Variants in ELOVL6 observed in about 807,000 individuals in gnomAD.
ELOVL6 encodes the protein very long chain fatty acid elongase 6.
ELOVL6 carries 8 observed loss-of-function variants against 31.7 expected under a neutral mutation model. That is an observed-to-expected ratio of 0.25 (90% confidence interval 0.15 to 0.45). The LOEUF (loss-of-function observed/expected upper bound fraction) is 0.45. ELOVL6 is among the 20% of genes least tolerant of loss of function. The probability of loss-of-function intolerance (pLI) is 1.00; values close to 1 mark genes in which losing one functional copy is unlikely to be tolerated. For missense variants in ELOVL6, 126 were observed against 326.4 expected (o/e 0.39, Z 4.73); for synonymous variants, 101 against 117.7 (o/e 0.86, Z 0.92).
At chr4:110,140,158 AACTTG>A (rs1757914585) in intron 1 of ELOVL6, among the ~76,000 whole-genome samples, 1 of 152,124 alleles carries the variant, frequency 6.6e-6, no homozygotes, top group East Asian at 1.9e-4. Flanking sequence ...TAAGCCCCCA[AACTTG>A]ACTTTGTGTT....
chr4:110,189,753 G>C (rs1373729675), intron 1 of ELOVL6, among the ~76,000 whole-genome samples: 1 of 151,904 alleles, frequency 6.6e-6, no homozygotes, highest in Non-Finnish European at 1.5e-5. Flanking sequence ...CAGATCACAA[G>C]GTCAGGAGAT....
At chr4:110,127,423 A>AAAAG (rs1757538835) in intron 1 of ELOVL6, among the ~76,000 whole-genome samples, 1 of 150,564 alleles carries the variant, frequency 6.6e-6, no homozygotes, top group Non-Finnish European at 1.5e-5. Flanking sequence ...AAAAAAAAAA[A>AAAAG]AAGAAAAGAA....
chr4:110,120,793 CTTTTCTTTTTTT>C (rs1211582716), intron 1 of ELOVL6, among the ~76,000 whole-genome samples: 1 of 128,954 alleles, frequency 7.8e-6, no homozygotes, highest in Non-Finnish European at 1.7e-5. Flanking sequence ...TCTTTTTTTT[CTTTTCTTTTTTT>C]TTTTTTTTTT....
chr4:110,166,352 C>T (rs754953924), intron 1 of ELOVL6, among the ~76,000 whole-genome samples: 1 of 152,128 alleles, frequency 6.6e-6, no homozygotes, highest in African/African-American at 2.4e-5. Context: ...GTGGCTCACG[C>T]CTGTAATCCC....
At chr4:110,088,615 A>G (rs895175771) in intron 2 of ELOVL6, among the ~76,000 whole-genome samples, 5 of 152,136 alleles carry the variant, frequency 3.3e-5, no homozygotes, top group African/African-American at 9.7e-5. Flanking sequence ...CTAAGTTGAA[A>G]CCTTTCACCT....
rs571569207 is a variant in ELOVL6, at chr4:110,141,011, G to A, written c.90-35383C>T. ...ATTGTTGAGAAATGACACTTCTCAA[G>A]CTGGGGCTAAACTATCTCTGTGGTA... On this transcript the variant is annotated intron_variant, in intron 1 of 3. Coordinates refer to ENST00000302274, the MANE Select transcript of ELOVL6 (RefSeq NM_024090.3). 4.5e-4 allele frequency among the ~76,000 whole-genome samples: 69 copies of A among 152,180 alleles called. 1 individual carries two copies. The highest frequency in any genetic ancestry group is 1.5e-3 in the African/African-American group (64 of 41,538).
intron 1 of ELOVL6, among the ~76,000 whole-genome samples, chr4:110,133,336 C>T (rs750582794): frequency 2.6e-5 from 4 of 152,182 alleles, no homozygotes; most frequent in Admixed American, 2.6e-4. Flanking sequence ...GAAGTTCCTG[C>T]ATGCCAGGTG....
chr4:110,193,208 C>CACAGG (rs1759673335), intron 1 of ELOVL6, among the ~76,000 whole-genome samples: 1 of 152,186 alleles, frequency 6.6e-6, no homozygotes, highest in South Asian at 2.1e-4. Flanking sequence ...TAAATGCTAA[C>CACAGG]ACAGGTTTTT....
chr4:110,105,295 C>T (rs1012928428), intron 2 of ELOVL6, among the ~76,000 whole-genome samples: 14 of 152,162 alleles, frequency 9.2e-5, no homozygotes, highest in Non-Finnish European at 1.9e-4. Context: ...GATGGCCTGA[C>T]ACCTCTCAAA....
At chr4:110,197,963 G>A in intron 1 of ELOVL6, 3 of 473,422 alleles carry the variant, frequency 6.3e-6, no homozygotes, top group Non-Finnish European at 7.6e-6. Flanking sequence ...TCCCTGTCGC[G>A]CAGACATCAC....
chr4:110,103,221 C>T (rs1010416614), intron 2 of ELOVL6, among the ~76,000 whole-genome samples: 1 of 152,062 alleles, frequency 6.6e-6, no homozygotes, highest in Non-Finnish European at 1.5e-5. Context: ...CGAACTAATA[C>T]AGGCTCTTTG....
intron 1 of ELOVL6, among the ~76,000 whole-genome samples, chr4:110,144,570 T>G (rs1425430229): frequency 2.0e-5 from 3 of 152,190 alleles, no homozygotes. Context: ...CCTGAGGTCC[T>G]ACCTCAGTTG....
intron 2 of ELOVL6, among the ~76,000 whole-genome samples, chr4:110,069,085 G>C: frequency 6.6e-6 from 1 of 150,950 alleles, no homozygotes; most frequent in Non-Finnish European, 1.5e-5. Context: ...AGCCAAGATT[G>C]CGCCACTGCA....
At chr4:110,157,102 C>A (rs1341285910) in intron 1 of ELOVL6, among the ~76,000 whole-genome samples, 1 of 152,070 alleles carries the variant, frequency 6.6e-6, no homozygotes, top group Non-Finnish European at 1.5e-5. Context: ...GGTCACTGCC[C>A]ATTTGGGGTT....
Position 110,084,252 on chromosome 4 carries a change from A to C in ELOVL6, c.221+21245T>G, listed in dbSNP as rs1405058977. Among the ~76,000 whole-genome samples the C allele has an allele frequency of 9.7e-4, 115 of 118,692 alleles. 11 individuals are homozygous for C. Among genetic ancestry groups the C allele is most frequent in the African/African-American group, 2.8e-3 (82 of 29,346 alleles). 77.9% of individuals were successfully genotyped at this position (118,692 alleles called of 152,430 possible). ...TATATATAACATATATGATATATAT[A>C]ACATATAGCTTATATGTGATATATA... is the stretch of plus-strand genomic sequence containing the variant. On this transcript the variant is annotated intron_variant, in intron 2 of 3. Coordinates refer to ENST00000302274, the MANE Select transcript of ELOVL6 (RefSeq NM_024090.3).
intron 3 of ELOVL6, among the ~76,000 whole-genome samples, chr4:110,058,234 A>G (rs984556685): frequency 5.9e-5 from 9 of 152,212 alleles, no homozygotes; most frequent in Admixed American, 4.6e-4. Context: ...AATGCATTTT[A>G]CCCTGAGACC....
At chr4:110,084,324 T>A (rs1457595190) in intron 2 of ELOVL6, among the ~76,000 whole-genome samples, 396 of 74,920 alleles carry the variant, frequency 5.3e-3, no homozygotes, top group African/African-American at 0.016. Flanking sequence ...ATATATAAAT[T>A]TGATATATAT....
At chr4:110,070,031 A>T (rs1755424312) in intron 2 of ELOVL6, among the ~76,000 whole-genome samples, 1 of 152,090 alleles carries the variant, frequency 6.6e-6, no homozygotes, top group South Asian at 2.1e-4. Context: ...CTAGATGAGA[A>T]CCCTTCTCCT....
intron 1 of ELOVL6, among the ~76,000 whole-genome samples, chr4:110,141,507 T>C (rs1757955036): frequency 6.6e-6 from 1 of 151,860 alleles, no homozygotes; most frequent in African/African-American, 2.4e-5. Context: ...TATCAGGAGA[T>C]CTAGGGACCA....
Sources: allele counts gnomAD v4.1 joint callset (sites outside exome capture counted in the v4.1 genomes callset), GRCh38; gene constraint gnomAD v4.1.1; transcripts MANE v1.5; gene names NCBI Gene and HGNC (gene_info 2026-07-23, HGNC 2026-07-21).